The following DCAF1 variants were observed in gnomAD, a reference collection of about 807,000 sequenced individuals.
DCAF1 encodes the protein DDB1- and CUL4-associated factor 1.
In DCAF1, 15 loss-of-function variants were observed where a neutral mutation model predicts 128.0. The observed-to-expected ratio is 0.12, with a 90% CI of 0.08 to 0.18. DCAF1 has a LOEUF of 0.18. Ranked by LOEUF, DCAF1 falls within the 10% of genes least tolerant of loss-of-function variation. The probability of loss-of-function intolerance (pLI) is 1.00; values close to 1 mark genes in which losing one functional copy is unlikely to be tolerated. For missense variants in DCAF1, 988 were observed against 1,649.5 expected, an observed-to-expected ratio of 0.60 and a Z score of 6.95; for synonymous variants, 610 against 603.0, an observed-to-expected ratio of 1.01 and a Z score of -0.17.
intron 4 of DCAF1, among the ~76,000 whole-genome samples, chr3:51,469,991 C>A: frequency 6.6e-6 from 1 of 151,470 alleles, no homozygotes; most frequent in African/African-American, 2.4e-5. Context: ...ACTGCACTGC[C>A]GGCTGGGCGA....
chr3:51,450,812 CA>C (rs1702269283), intron 6 of DCAF1, among the ~76,000 whole-genome samples: 1 of 152,022 alleles, frequency 6.6e-6, no homozygotes, highest in South Asian at 2.1e-4. Context: ...TTCTATTAAA[CA>C]TAGTACTGGA....
chr3:51,476,479 G>A (rs1553650558), intron 3 of DCAF1, among the ~76,000 whole-genome samples: 4 of 147,330 alleles, frequency 2.7e-5, no homozygotes, highest in Non-Finnish European at 5.9e-5. Flanking sequence ...GTGCAATCTG[G>A]TACTCAAGTT....
intron 2 of DCAF1, among the ~76,000 whole-genome samples, chr3:51,496,090 G>A (rs1708205087): frequency 6.6e-6 from 1 of 152,036 alleles, no homozygotes; most frequent in South Asian, 2.1e-4. Flanking sequence ...TTGGGAGTTC[G>A]AGACCAGCCT....
Position 51,425,424 on chromosome 3 carries a change from A to T in DCAF1, c.1847+1948T>A, listed in dbSNP as rs536837546. Among the ~76,000 whole-genome samples the T allele has an allele frequency of 2.4e-4, 37 of 152,112 alleles. 1 individual carries two copies. The highest frequency in any genetic ancestry group is 8.7e-4 in the African/African-American group (36 of 41,518). On this transcript the variant is annotated intron_variant, in intron 13 of 24. Transcript: ENST00000684031. Reference sequence around the variant, plus strand: ...GAGGTGGAGGTTGGAGTGAGCCAAGATCCTGCCACTGCACTCCAGCCTGGG... The same window carrying T: ...GAGGTGGAGGTTGGAGTGAGCCAAGTTCCTGCCACTGCACTCCAGCCTGGG...
At chr3:51,423,138 T>C (rs1379466485) in intron 13 of DCAF1, among the ~76,000 whole-genome samples, 5 of 151,858 alleles carry the variant, frequency 3.3e-5, no homozygotes, top group African/African-American at 1.2e-4. Flanking sequence ...GAAACAAGAT[T>C]CTTAAAATGT....
At chr3:51,400,265 T>C (rs1685079932) in intron 24 of DCAF1, among the ~76,000 whole-genome samples, 1 of 152,138 alleles carries the variant, frequency 6.6e-6, no homozygotes. Context: ...CAGGAGGAAG[T>C]GTCACAGGAG....
downstream of DCAF1, chr3:51,396,872 T>A (rs1288847998): frequency 6.0e-6 from 1 of 167,076 alleles, no homozygotes; most frequent in East Asian, 1.9e-4. Flanking sequence ...TCTGATGCCA[T>A]CAGTACCAGC....
intron 9 of DCAF1, chr3:51,437,279 AAAAAAAAAAAAG>A (rs1251887926): frequency 2.6e-6 from 1 of 385,930 alleles, no homozygotes; most frequent in African/African-American, 2.2e-5. Context: ...AAAAAAAAAA[AAAAAAAAAAAAG>A]AAAGAAAGAG....
At chr3:51,441,178 C>T (rs1553638553) in intron 8 of DCAF1, 107 bp from the exon 9 acceptor site, 1 of 1,210,268 alleles carries the variant, frequency 8.3e-7, no homozygotes, top group Non-Finnish European at 1.2e-6. Flanking sequence ...ACCTCTTCCT[C>T]CCTCCCTGTG....
intron 5 of DCAF1, among the ~76,000 whole-genome samples, chr3:51,464,418 A>G (rs57027950): frequency 0.074 from 11,254 of 152,068 alleles, 975 homozygotes; most frequent in East Asian, 0.33. Flanking sequence ...ATCCAGGCTG[A>G]GTGTGGTGGC....
chr3:51,398,757 A>T lies in DCAF1; in HGVS notation c.*12T>A. The stretch of plus-strand genomic sequence containing the variant: ...CGCCTGCCAAGAATCTCTTCCAAGC[A>T]GTGATGGCTCCTCACTCATTCAGAG... On this transcript the variant is annotated 3_prime_UTR_variant, in exon 25 of 25. Transcript: ENST00000684031. 9 of 1,586,334 alleles carry T rather than the reference A, an allele frequency of 5.7e-6. No homozygotes were observed. Among genetic ancestry groups the T allele is most frequent in the Non-Finnish European group, 6.9e-6 (8 of 1,165,670 alleles).
At chr3:51,450,626 TC>T (rs1702253405) in intron 6 of DCAF1, among the ~76,000 whole-genome samples, 1 of 152,156 alleles carries the variant, frequency 6.6e-6, no homozygotes. Flanking sequence ...TGAAAGGCTT[TC>T]CCTTAAGATC....
At chr3:51,452,127 G>A (rs1460748693) in intron 6 of DCAF1, among the ~76,000 whole-genome samples, 2 of 151,944 alleles carry the variant, frequency 1.3e-5, no homozygotes, top group Non-Finnish European at 2.9e-5. Flanking sequence ...ACAGTTCACT[G>A]CAGCGTCCAC....
intron 10 of DCAF1, among the ~76,000 whole-genome samples, chr3:51,430,804 G>C (rs900111520): frequency 2.0e-5 from 3 of 152,078 alleles, no homozygotes; most frequent in Non-Finnish European, 4.4e-5. Context: ...AATTAAAACT[G>C]ATATTATTAA....
intron 3 of DCAF1, among the ~76,000 whole-genome samples, chr3:51,477,909 T>C (rs923114116): frequency 2.0e-5 from 3 of 152,102 alleles, no homozygotes; most frequent in Non-Finnish European, 4.4e-5. Flanking sequence ...AGCTTTTATA[T>C]ATATATATAC....
At chr3:51,423,201 A>C (rs182693106) in intron 13 of DCAF1, among the ~76,000 whole-genome samples, 33 of 152,364 alleles carry the variant, frequency 2.2e-4, no homozygotes, top group Middle Eastern at 3.4e-3. Context: ...CTAAAGAAAT[A>C]ATCAGGCCAG....
At chr3:51,418,265 T>C in intron 16 of DCAF1, 67 bp from the exon 17 acceptor site, 1 of 1,522,258 alleles carries the variant, frequency 6.6e-7, no homozygotes, top group South Asian at 1.3e-5. Flanking sequence ...CTACCTGCCA[T>C]TAGCATTTTT....
chr3:51,416,896 G>A, intron 17 of DCAF1, 25 bp from the exon 18 acceptor site: 1 of 1,590,148 alleles, frequency 6.3e-7, no homozygotes, highest in Non-Finnish European at 8.6e-7. Flanking sequence ...CAGGAGCACT[G>A]AAGTGACAGA....
intron 12 of DCAF1, 79 bp from the exon 13 acceptor site, chr3:51,427,620 G>A: frequency 4.5e-6 from 2 of 449,086 alleles, no homozygotes; most frequent in Non-Finnish European, 8.1e-6. Context: ...CAGCTCACTG[G>A]CCAAGAGATT....
Sources: allele counts gnomAD v4.1 joint callset (sites outside exome capture counted in the v4.1 genomes callset), GRCh38; gene constraint gnomAD v4.1.1; transcripts MANE v1.5; gene names NCBI Gene and HGNC (gene_info 2026-07-23, HGNC 2026-07-21).